Variants in ZNF704 observed in about 807,000 individuals in gnomAD.
The protein encoded by ZNF704 is zinc finger protein 704.
In ZNF704, 10 loss-of-function variants were observed where a neutral mutation model predicts 44.7. The observed-to-expected ratio is 0.22, with a 90% CI of 0.14 to 0.38. The LOEUF (loss-of-function observed/expected upper bound fraction) is 0.38, where lower values mean the gene tolerates loss of function less well. Ranked by LOEUF, ZNF704 falls within the 10% of genes least tolerant of loss-of-function variation. The pLI is 1.00. For missense variants in ZNF704, 390 were observed against 545.5 expected, an observed-to-expected ratio of 0.71 and a Z score of 2.84; for synonymous variants, 211 against 207.6, an observed-to-expected ratio of 1.02 and a Z score of -0.14.
chr8:80,717,670 T>C (rs1402156405), intron 2 of ZNF704, among the ~76,000 whole-genome samples: 2 of 152,240 alleles, frequency 1.3e-5, no homozygotes, highest in Non-Finnish European at 2.9e-5. Flanking sequence ...TGTCCTCTTG[T>C]TGGGATTATT....
In ZNF704 at chr8:80,718,379, G is replaced by A. The variant is rs765955364; in HGVS notation, c.222-25272C>T. ...TCTTCTCTGTTTCTCACTCCTCCCT[G>A]TCTCCATCCCCTTTATCAGCTAACA... On this transcript the variant is annotated intron_variant, in intron 2 of 8. Coordinates refer to ENST00000327835, the MANE Select transcript of ZNF704 (RefSeq NM_001033723.3). Among the ~76,000 whole-genome samples, 96 of 133,484 alleles carry A rather than the reference G, an allele frequency of 7.2e-4. 1 individual carries two copies. Among genetic ancestry groups the A allele is most frequent in the Non-Finnish European group, 1.3e-3 (85 of 67,884 alleles). 87.6% of individuals were successfully genotyped at this position (133,484 alleles called of 152,430 possible).
intron 1 of ZNF704, among the ~76,000 whole-genome samples, chr8:80,838,612 C>A (rs1808621521): frequency 6.9e-6 from 1 of 145,050 alleles, no homozygotes; most frequent in South Asian, 2.2e-4. Context: ...AGGAAGAGAG[C>A]AGACCCTGGA....
intron 1 of ZNF704, among the ~76,000 whole-genome samples, chr8:80,853,454 A>G (rs1265875780): frequency 6.6e-6 from 1 of 152,212 alleles, no homozygotes; most frequent in Non-Finnish European, 1.5e-5. Context: ...AAAATGTTCT[A>G]CAAGTATTGC....
intron 3 of ZNF704, 73 bp downstream of exon 3, chr8:80,692,931 T>C: frequency 1.5e-6 from 2 of 1,333,602 alleles, no homozygotes; most frequent in African/African-American, 1.4e-5. Flanking sequence ...TTGACAGGAA[T>C]GAGACATCTC....
intron 2 of ZNF704, among the ~76,000 whole-genome samples, chr8:80,717,081 C>G (rs1819082875): frequency 6.6e-6 from 1 of 152,340 alleles, no homozygotes; most frequent in South Asian, 2.1e-4. Flanking sequence ...CTCTCTGACA[C>G]TTTTAGCTAA....
At chr8:80,852,000 G>A (rs1464110866) in intron 1 of ZNF704, among the ~76,000 whole-genome samples, 2 of 152,120 alleles carry the variant, frequency 1.3e-5, no homozygotes, top group Non-Finnish European at 2.9e-5. Context: ...TGTTCCTTTA[G>A]CCATACAAAG....
chr8:80,694,160 C>T (rs1216177225), intron 2 of ZNF704: 1 of 152,070 alleles, frequency 6.6e-6, no homozygotes, highest in East Asian at 1.9e-4. Context: ...GTTTGAACTC[C>T]TGAGCTTTAA....
At chr8:80,652,587 C>T (rs897868621) in intron 7 of ZNF704, among the ~76,000 whole-genome samples, 8 of 152,128 alleles carry the variant, frequency 5.3e-5, no homozygotes, top group South Asian at 2.1e-4. Context: ...ATAAATTCCT[C>T]GACACACACA....
chr8:80,869,533 G>A (rs1345892745), intron 1 of ZNF704, among the ~76,000 whole-genome samples: 1 of 152,136 alleles, frequency 6.6e-6, no homozygotes, highest in African/African-American at 2.4e-5. Context: ...CAATCTAATG[G>A]AGGAAGGTTC....
intron 3 of ZNF704, among the ~76,000 whole-genome samples, chr8:80,690,176 G>A (rs909865610): frequency 2.0e-5 from 3 of 152,042 alleles, no homozygotes; most frequent in African/African-American, 7.2e-5. Flanking sequence ...TGAGTAGTTA[G>A]TTTTTAAACC....
At chr8:80,858,418 A>T (rs901550002) in intron 1 of ZNF704, among the ~76,000 whole-genome samples, 3 of 152,210 alleles carry the variant, frequency 2.0e-5, no homozygotes, top group African/African-American at 7.2e-5. Flanking sequence ...CTTCTTCTTT[A>T]TTCAATGGTT....
At chr8:80,787,701 C>T (rs909119359) in intron 2 of ZNF704, among the ~76,000 whole-genome samples, 9 of 152,242 alleles carry the variant, frequency 5.9e-5, no homozygotes, top group African/African-American at 2.2e-4. Context: ...ATAATCACAG[C>T]TCAGTTCCAC....
At chr8:80,659,733 T>G in intron 6 of ZNF704, 44 bp from the exon 7 acceptor site, 2 of 1,547,090 alleles carry the variant, frequency 1.3e-6, no homozygotes, top group East Asian at 2.3e-5. Flanking sequence ...AGGAATATTT[T>G]CCTTCGGAGC....
chr8:80,685,376 G>A (rs1273839556), intron 4 of ZNF704, among the ~76,000 whole-genome samples: 1 of 152,056 alleles, frequency 6.6e-6, no homozygotes, highest in Admixed American at 6.5e-5. Context: ...CCTGTACTGT[G>A]AGTCCTTGTC....
intron 2 of ZNF704, among the ~76,000 whole-genome samples, chr8:80,720,015 G>A (rs988430565): frequency 2.2e-4 from 33 of 152,204 alleles, no homozygotes; most frequent in African/African-American, 7.7e-4. Context: ...CTTTAAAGAT[G>A]TTAATTTGTC....
intron 1 of ZNF704, among the ~76,000 whole-genome samples, chr8:80,863,627 T>C (rs913947530): frequency 1.3e-5 from 2 of 152,200 alleles, no homozygotes; most frequent in Non-Finnish European, 2.9e-5. Flanking sequence ...GAAGATCAAG[T>C]AAGGTTGGCT....
intron 2 of ZNF704, among the ~76,000 whole-genome samples, chr8:80,770,629 T>C (rs1807303891): frequency 6.6e-6 from 1 of 152,190 alleles, no homozygotes; most frequent in African/African-American, 2.4e-5. Flanking sequence ...GGTTTGAAAA[T>C]ATTTTTCCCA....
At chr8:80,838,937 G>A (rs1422653304) in intron 1 of ZNF704, among the ~76,000 whole-genome samples, 1 of 152,178 alleles carries the variant, frequency 6.6e-6, no homozygotes, top group African/African-American at 2.4e-5. Context: ...CAGAGGGCAG[G>A]AGAGTCCTGG....
intron 2 of ZNF704, among the ~76,000 whole-genome samples, chr8:80,753,211 A>C (rs1391253755): frequency 6.6e-6 from 1 of 152,138 alleles, no homozygotes; most frequent in Non-Finnish European, 1.5e-5. Context: ...TTGGCTGGAG[A>C]TGAGAGTGCA....
Sources: allele counts gnomAD v4.1 joint callset (sites outside exome capture counted in the v4.1 genomes callset), GRCh38; gene constraint gnomAD v4.1.1; transcripts MANE v1.5; gene names NCBI Gene and HGNC (gene_info 2026-07-23, HGNC 2026-07-21).